Variants in IFT46 observed in about 807,000 individuals in gnomAD.
IFT46 encodes the protein intraflagellar transport protein 46 homolog.
Under a neutral mutation model 39.6 loss-of-function variants are expected in IFT46, and 19 were observed. The ratio of observed to expected loss-of-function variants is 0.48; its 90% confidence interval spans 0.33 to 0.70. IFT46 has a LOEUF of 0.70. Ranked by LOEUF, IFT46 falls within the 30% of genes least tolerant of loss-of-function variation. The probability of loss-of-function intolerance (pLI) is 0.01; values close to 1 mark genes in which losing one functional copy is unlikely to be tolerated. For missense variants in IFT46, 334 were observed against 364.8 expected (o/e 0.92, Z 0.69); for synonymous variants, 117 against 134.8 (o/e 0.87, Z 0.91).
upstream of IFT46, among the ~76,000 whole-genome samples, chr11:118,568,795 A>G (rs1938280597): frequency 6.6e-6 from 1 of 151,378 alleles, no homozygotes; most frequent in Admixed American, 6.6e-5. Context: ...AGCTGGGACT[A>G]TAGGCATGGG....
chr11:118,550,252 G>A (rs1010710806), intron 9 of IFT46, among the ~76,000 whole-genome samples: 5 of 151,890 alleles, frequency 3.3e-5, no homozygotes, highest in Admixed American at 2.0e-4. Context: ...CACTGCACCC[G>A]GCCTCAATAT....
chr11:118,552,447 G>A, intron 7 of IFT46, 112 bp from the exon 8 acceptor site: 1 of 1,272,404 alleles, frequency 7.9e-7, no homozygotes, highest in Non-Finnish European at 1.1e-6. Context: ...GATGACAGCT[G>A]CTGCCACGTG....
exon 1 of IFT46, chr11:118,572,969 T>C (rs1214923506): frequency 9.8e-6 from 2 of 205,044 alleles, no homozygotes; most frequent in East Asian, 2.3e-4. Flanking sequence ...CTTCTGTTAA[T>C]CAGAGCTTGT....
rs527485889 is a variant in IFT46, at chr11:118,557,942, T to G, written c.46-897A>C. 4.7e-6 allele frequency: 7 copies of G among 1,496,594 alleles called. No individual in the cohort carries two copies. In the Admixed American group the frequency reaches 1.6e-4, roughly 34 times the overall value. 92.7% of individuals were successfully genotyped at this position (1,496,594 alleles called of 1,614,324 possible). On this transcript the variant is annotated intron_variant, in intron 3 of 11. Coordinates refer to ENST00000264021, the MANE Select transcript of IFT46 (RefSeq NM_001168618.2). Reference sequence around the variant, plus strand: ...TAAAAGTAGGTTTTCAAAACTTGGTTTCTATATACCGTATGGCTTATACTG... The same window carrying G: ...TAAAAGTAGGTTTTCAAAACTTGGTGTCTATATACCGTATGGCTTATACTG...
chr11:118,572,365 T>G, intron 1 of IFT46: 2 of 30,698 alleles, frequency 6.5e-5, no homozygotes, highest in East Asian at 1.5e-3. Context: ...CCCCCGCCCT[T>G]TGACCTGCGC....
In IFT46 at chr11:118,559,402, C is replaced by T. The variant is rs529189963; in HGVS notation, c.45+383G>A. 7.9e-5 allele frequency among the ~76,000 whole-genome samples: 12 copies of T among 152,258 alleles called. 1 individual carries two copies. The South Asian group carries it at 2.3e-3, about 29-fold the overall frequency. On this transcript the variant is annotated intron_variant, in intron 3 of 11. Transcript: ENST00000264021. ...ATGCCTAGACTGATAATTTCAAACTCGCTTTAGCATAAAATTACCTGGACT... is the reference window on the plus strand; with the variant it reads ...ATGCCTAGACTGATAATTTCAAACTTGCTTTAGCATAAAATTACCTGGACT...
At chr11:118,566,116 A>G (rs1469264334), upstream of IFT46, 2 of 152,122 alleles carry the variant, frequency 1.3e-5, no homozygotes, top group African/African-American at 2.4e-5. Context: ...TCTAGCGGCT[A>G]TGGGTGGCAA....
At chr11:118,569,114 C>G (rs1192345432), upstream of IFT46, among the ~76,000 whole-genome samples, 2 of 150,282 alleles carry the variant, frequency 1.3e-5, no homozygotes, top group Non-Finnish European at 3.0e-5. Flanking sequence ...CCCATCTCTA[C>G]TAAAAATACA....
At chr11:118,553,115 C>A (rs563718345) in intron 7 of IFT46, among the ~76,000 whole-genome samples, 1 of 151,494 alleles carries the variant, frequency 6.6e-6, no homozygotes, top group Admixed American at 6.6e-5. Context: ...CATGGAAAGG[C>A]AGCAGGTCAA....
chr11:118,554,890 C>A, intron 6 of IFT46, 100 bp downstream of exon 6: 1 of 896,114 alleles, frequency 1.1e-6, no homozygotes, highest in Non-Finnish European at 1.8e-6. Flanking sequence ...ATGAACATGA[C>A]TAGCCAATGC....
intron 9 of IFT46, among the ~76,000 whole-genome samples, chr11:118,549,177 G>A (rs577148404): frequency 6.6e-6 from 1 of 151,718 alleles, no homozygotes; most frequent in South Asian, 2.1e-4. Flanking sequence ...GGGATTATAG[G>A]TATGAGCCAC....
upstream of IFT46, among the ~76,000 whole-genome samples, chr11:118,576,426 TAAAAAAA>T (rs10671866): frequency 2.8e-5 from 3 of 108,778 alleles, no homozygotes; most frequent in African/African-American, 1.0e-4. Context: ...CCAAAAATGT[TAAAAAAA>T]AAAAAAAAAA....
upstream of IFT46, among the ~76,000 whole-genome samples, chr11:118,570,811 T>C (rs1938321626): frequency 6.6e-6 from 1 of 152,242 alleles, no homozygotes; most frequent in Admixed American, 6.5e-5. Context: ...TTCCAGTGCA[T>C]GTTTTTTTAA....
intron 9 of IFT46, 164 bp from the exon 10 acceptor site, chr11:118,546,017 A>C: frequency 1.4e-6 from 1 of 713,766 alleles, no homozygotes. Context: ...CCTGTACTTC[A>C]GAATGTGACT....
At chr11:118,551,042 A>AAG (rs1448903977) in intron 9 of IFT46, among the ~76,000 whole-genome samples, 2 of 150,456 alleles carry the variant, frequency 1.3e-5, no homozygotes, top group African/African-American at 4.9e-5. Context: ...AAAAAAAAAA[A>AAG]AAAACTATCT....
At chr11:118,568,908 G>A (rs552793756), upstream of IFT46, among the ~76,000 whole-genome samples, 4 of 151,852 alleles carry the variant, frequency 2.6e-5, no homozygotes, top group African/African-American at 4.8e-5. Flanking sequence ...CGCCCACCTC[G>A]GCCTCCCAAA....
chr11:118,555,225 T>C (rs782199189), intron 5 of IFT46, 23 bp downstream of exon 5: 9 of 1,597,252 alleles, frequency 5.6e-6, no homozygotes, highest in Non-Finnish European at 7.7e-6. Context: ...TAGTGGGGTA[T>C]GGTGGGAGGT....
chr11:118,545,107 T>A lies in IFT46; in HGVS notation c.820-96A>T, dbSNP rs1053956833. The A allele has an allele frequency of 6.4e-6, 6 of 941,712 alleles. No homozygotes were observed. The African/African-American group carries it at 9.8e-5, about 15-fold the overall frequency. The allele number at this position is 941,712 out of a possible 1,614,324, so 58.3% of individuals were successfully genotyped here. A position where few individuals can be genotyped will look rare whatever the true frequency, so the allele number is the denominator to read the frequency against. On this transcript the variant is annotated intron_variant, in intron 11 of 11. Coordinates refer to ENST00000264021, the MANE Select transcript of IFT46 (RefSeq NM_001168618.2). ...TTTCTTTAAAATGAACCCCCTTTAT[T>A]TCCTTCCTGCTTCCATTCATGAGGG...
chr11:118,565,492 G>A (rs1591373489), intron 1 of IFT46: 1 of 141,026 alleles, frequency 7.1e-6, no homozygotes, highest in African/African-American at 2.8e-5. Flanking sequence ...GTGGGGTGGG[G>A]TGGGGTGGGC....
Sources: gnomAD v4.1 joint callset for allele counts (sites outside exome capture counted in the v4.1 genomes callset) on GRCh38, gnomAD v4.1.1 for gene constraint, MANE v1.5 for transcripts, NCBI Gene and HGNC (gene_info 2026-07-23, HGNC 2026-07-21) for gene names.